CACNG8: variants seen among roughly 807,000 people sequenced by gnomAD.
CACNG8 encodes voltage-dependent calcium channel gamma-8 subunit.
In CACNG8, 5 loss-of-function variants were observed where a neutral mutation model predicts 26.9. That is an observed-to-expected ratio of 0.19 (90% CI 0.10 to 0.39). The LOEUF is 0.39. CACNG8 is among the 10% of genes least tolerant of loss of function. The probability of loss-of-function intolerance (pLI) is 1.00; values close to 1 mark genes in which losing one functional copy is unlikely to be tolerated. For synonymous variants in CACNG8, 321 were observed against 296.7 expected (o/e 1.08, Z -0.84); for missense variants, 473 against 609.4 (o/e 0.78, Z 2.36).
intron 2 of CACNG8, among the ~76,000 whole-genome samples, chr19:53,979,395 TAGAG>T (rs376271634): frequency 6.8e-6 from 1 of 148,064 alleles, no homozygotes; most frequent in East Asian, 2.0e-4. Context: ...GGAAGGAATG[TAGAG>T]AGAGAGAGAA....
At position 53,963,286 on chromosome 19, in the gene CACNG8, C is replaced by T. The variant is rs764144621; in HGVS notation, c.144C>T (p.Arg48=). ...GCACTGACTACTGGCTCTACACGCG[C>T]GCCCTCATCTGCAACACCACCAACC... Residue 48 remains arginine (R), a synonymous_variant, in exon 1 of 4, where the codon CGC becomes CGT. Coordinates refer to ENST00000270458, the MANE Select transcript of CACNG8 (RefSeq NM_031895.6). The T allele has an allele frequency of 6.2e-7, 1 of 1,609,408 alleles. No individual in the cohort carries two copies. The highest frequency in any genetic ancestry group is 1.1e-5 in the South Asian group (1 of 90,998).
Position 53,970,802 on chromosome 19 carries a change from C to T in CACNG8, c.284-7344C>T, listed in dbSNP as rs979008617. Among the ~76,000 whole-genome samples, 8 of 150,492 alleles carry T rather than the reference C, an allele frequency of 5.3e-5. No individual in the cohort carries two copies. In the East Asian group the frequency reaches 1.6e-3, roughly 30 times the overall value. ...TAAAAATTAGTTGGGCATGGTGATA[C>T]ATGCCTGTAGTCCCCACTACTAGGG... On this transcript the variant is annotated intron_variant, in intron 1 of 3. Transcript: ENST00000270458.
At chr19:53,965,793 G>C (rs2069268967) in intron 1 of CACNG8, among the ~76,000 whole-genome samples, 1 of 151,764 alleles carries the variant, frequency 6.6e-6, no homozygotes, top group Non-Finnish European at 1.5e-5. Flanking sequence ...GAGGGGATGG[G>C]AGGGGTCAGG....
intron 3 of CACNG8, among the ~76,000 whole-genome samples, chr19:53,981,490 TG>T (rs1194902397): frequency 5.3e-5 from 8 of 151,636 alleles, no homozygotes; most frequent in African/African-American, 1.7e-4. Context: ...TTATGCCATG[TG>T]GGGGCAGCCC....
intron 1 of CACNG8, among the ~76,000 whole-genome samples, chr19:53,968,530 G>A (rs1031230985): frequency 2.0e-5 from 3 of 152,094 alleles, no homozygotes; most frequent in Admixed American, 1.3e-4. Context: ...AGCACTTTGG[G>A]AGGCTGAGAC....
intron 1 of CACNG8, among the ~76,000 whole-genome samples, chr19:53,968,734 AC>A (rs2069285084): frequency 7.4e-6 from 1 of 134,804 alleles, no homozygotes; most frequent in East Asian, 2.4e-4. Context: ...GTGCCACTGC[AC>A]TCCAGCTTGG....
intron 1 of CACNG8, among the ~76,000 whole-genome samples, chr19:53,969,897 C>T (rs1238622044): frequency 6.6e-6 from 1 of 152,102 alleles, no homozygotes; most frequent in Non-Finnish European, 1.5e-5. Flanking sequence ...TTTGGGAAGC[C>T]GAGGCGGGTG....
chr19:53,968,924 CTGT>C lies in CACNG8; in HGVS notation c.283+5509_283+5511del, dbSNP rs539175955. ...AGGAGAGGAGGAATGAAGGCTGACT[CTGT>C]TGTTGTTGTAATTGTCATTCATTTG... On this transcript the variant is annotated intron_variant, in intron 1 of 3. Transcript: ENST00000270458. Among the ~76,000 whole-genome samples, 96 of 152,198 alleles carry C rather than the reference CTGT, an allele frequency of 6.3e-4. 1 individual carries two copies. The East Asian group carries it at 0.015, about 24-fold the overall frequency.
intron 2 of CACNG8, among the ~76,000 whole-genome samples, chr19:53,979,054 A>G (rs1429249746): frequency 6.8e-6 from 1 of 146,110 alleles, no homozygotes; most frequent in Non-Finnish European, 1.5e-5. Context: ...GGCCAGGCAG[A>G]AAAAAAAAGA....
At chr19:53,979,068 G>C (rs890504385) in intron 2 of CACNG8, among the ~76,000 whole-genome samples, 1 of 149,310 alleles carries the variant, frequency 6.7e-6, no homozygotes, top group African/African-American at 2.5e-5. Context: ...AAAAAGAGGG[G>C]GGAGAGACCT....
intron 1 of CACNG8, among the ~76,000 whole-genome samples, chr19:53,970,482 G>C (rs115736117): frequency 6.7e-6 from 1 of 148,226 alleles, no homozygotes; most frequent in Non-Finnish European, 1.5e-5. Context: ...AAAATTAGTC[G>C]GGCGTAGTTG....
Position 53,963,074 on chromosome 19 carries a change from G to A in CACNG8, c.-69G>A, listed in dbSNP as rs1414224490. 1 of 682,370 alleles carries A rather than the reference G, an allele frequency of 1.5e-6. No individual in the cohort carries two copies. The highest frequency in any genetic ancestry group is 1.9e-6 in the Non-Finnish European group (1 of 531,624). The allele number at this position is 682,370 out of a possible 1,614,324, so 42.3% of individuals were successfully genotyped here. ...TGCCTGCGCTGTGAACCCCCCCCCA[G>A]CCGCCGGCACGGCCCCGCCCCCGCT... On this transcript the variant is annotated 5_prime_UTR_variant, in exon 1 of 4. Coordinates refer to ENST00000270458, the MANE Select transcript of CACNG8 (RefSeq NM_031895.6).
At chr19:53,971,377 T>C (rs1047742676) in intron 1 of CACNG8, among the ~76,000 whole-genome samples, 2 of 152,120 alleles carry the variant, frequency 1.3e-5, no homozygotes, top group Admixed American at 1.3e-4. Context: ...AGCCAAGATA[T>C]TATCACTTGA....
At chr19:53,967,808 C>T (rs958733523) in intron 1 of CACNG8, among the ~76,000 whole-genome samples, 5 of 152,064 alleles carry the variant, frequency 3.3e-5, no homozygotes, top group Non-Finnish European at 7.4e-5. Context: ...GCACTCTAGC[C>T]TGGGCAACAG....
At chr19:53,977,834 G>C (rs1341249480) in intron 1 of CACNG8, among the ~76,000 whole-genome samples, 3 of 152,196 alleles carry the variant, frequency 2.0e-5, no homozygotes, top group South Asian at 2.1e-4. Flanking sequence ...CGGAAGTCCA[G>C]AGTGCTGGAG....
Position 53,984,663 on chromosome 19 carries a change from C to T in CACNG8, c.*1814C>T, listed in dbSNP as rs1293962450. ...GCCACAAGCTAGAGTGTAAAGGTAC[C>T]AGGGTGGCCGGGCGCGGTGGCTCAT... On this transcript the variant is annotated 3_prime_UTR_variant, in exon 4 of 4. Coordinates refer to ENST00000270458, the MANE Select transcript of CACNG8 (RefSeq NM_031895.6). 6.6e-6 allele frequency: 1 copy of T among 152,494 alleles called. No homozygotes were observed. Among genetic ancestry groups the T allele is most frequent in the Non-Finnish European group, 1.5e-5 (1 of 68,384 alleles). 9.4% of individuals were successfully genotyped at this position (152,494 alleles called of 1,614,324 possible).
chr19:53,977,318 G>A (rs1351855385), intron 1 of CACNG8, among the ~76,000 whole-genome samples: 1 of 152,190 alleles, frequency 6.6e-6, no homozygotes, highest in African/African-American at 2.4e-5. Flanking sequence ...CTGCAGAACT[G>A]GACAGAGCTG....
rs967198303 is a variant in CACNG8 at position 53,963,123 on chromosome 19, C to T, written c.-20C>T. 1 of 1,460,300 alleles carries T rather than the reference C, an allele frequency of 6.8e-7. No homozygotes were observed. Among genetic ancestry groups the T allele is most frequent in the Non-Finnish European group, 9.1e-7 (1 of 1,103,782 alleles). 90.5% of individuals were successfully genotyped at this position (1,460,300 alleles called of 1,614,324 possible). A position where few individuals can be genotyped will look rare whatever the true frequency, so the allele number is the denominator to read the frequency against. ...CTGCCCCGGTGGTGGCCCACGGCCCCCCGGCTGCCCGTGGTCAAACTGGAG... is the reference window on the plus strand; with the variant it reads ...CTGCCCCGGTGGTGGCCCACGGCCCTCCGGCTGCCCGTGGTCAAACTGGAG... On this transcript the variant is annotated 5_prime_UTR_variant, in exon 1 of 4. Transcript: ENST00000270458.
At chr19:53,974,194 G>A (rs974377127) in intron 1 of CACNG8, among the ~76,000 whole-genome samples, 16 of 152,080 alleles carry the variant, frequency 1.1e-4, no homozygotes, top group African/African-American at 3.6e-4. Flanking sequence ...TCATATAAGT[G>A]GAATGACACA....
Sources: allele counts gnomAD v4.1 joint callset (sites outside exome capture counted in the v4.1 genomes callset), GRCh38; gene constraint gnomAD v4.1.1; transcripts MANE v1.5; gene names NCBI Gene and HGNC (gene_info 2026-07-23, HGNC 2026-07-21).